Variants in FUT8 observed in about 807,000 individuals in gnomAD.
FUT8 encodes the protein alpha-(1,6)-fucosyltransferase.
In FUT8, 29 loss-of-function variants were observed where a neutral mutation model predicts 71.3. The ratio of observed to expected loss-of-function variants is 0.41; its 90% CI spans 0.30 to 0.55. FUT8 has a LOEUF of 0.55. FUT8 is among the 20% of genes least tolerant of loss of function. FUT8 has a pLI of 0.34. For synonymous variants in FUT8, 254 were observed against 239.3 expected (o/e 1.06, Z -0.57); for missense variants, 544 against 702.1 (o/e 0.77, Z 2.55).
chr14:65,440,699 C>G (rs1400255137), intron 1 of FUT8, among the ~76,000 whole-genome samples: 1 of 151,986 alleles, frequency 6.6e-6, no homozygotes, highest in East Asian at 1.9e-4. Context: ...AAAATGACTT[C>G]TTTGGCCACC....
chr14:65,659,195 T>G (rs1235308131), intron 6 of FUT8, among the ~76,000 whole-genome samples: 2 of 142,182 alleles, frequency 1.4e-5, no homozygotes, highest in Non-Finnish European at 3.0e-5. Context: ...TTTTGTTTTG[T>G]TTTTTTTTCA....
At chr14:65,468,012 A>G (rs1002085370) in intron 2 of FUT8, 2 of 686,920 alleles carry the variant, frequency 2.9e-6, no homozygotes, top group Non-Finnish European at 5.4e-6. Flanking sequence ...AATGTGCTCA[A>G]TACGCACATT....
intron 7 of FUT8, among the ~76,000 whole-genome samples, chr14:65,714,640 G>A (rs1894966724): frequency 1.3e-5 from 2 of 151,860 alleles, no homozygotes. Flanking sequence ...TATTTTCATA[G>A]GGATTGCATT....
In FUT8 at chr14:65,561,526, G is replaced by A. The variant is rs1027626465; in HGVS notation, c.-38G>A. The stretch of plus-strand genomic sequence containing the variant: ...AGTTACAATGTTTTCAATTCTTTGA[G>A]CTCCAGGACTCCAGGGAAGTGAGTT... On this transcript the variant is annotated 5_prime_UTR_variant, in exon 3 of 11. Transcript: ENST00000673929. The A allele has an allele frequency of 3.1e-6, 5 of 1,590,538 alleles. No individual in the cohort carries two copies. The South Asian group carries it at 3.3e-5, about 11-fold the overall frequency.
chr14:65,589,680 G>T (rs962838736), intron 3 of FUT8, among the ~76,000 whole-genome samples: 1 of 151,910 alleles, frequency 6.6e-6, no homozygotes, highest in African/African-American at 2.4e-5. Context: ...TCCTGACCTC[G>T]TGATCTGCCC....
the FUT8 span, among the ~76,000 whole-genome samples, chr14:65,365,353 C>CTG: frequency 7.1e-6 from 1 of 140,766 alleles, no homozygotes; most frequent in African/African-American, 2.5e-5. Context: ...CTCTCTCTCT[C>CTG]TCTCTCTCAT....
chr14:65,602,482 C>T (rs1242520741), intron 3 of FUT8, among the ~76,000 whole-genome samples: 2 of 150,038 alleles, frequency 1.3e-5, no homozygotes, highest in African/African-American at 2.4e-5. Context: ...TATAAACATG[C>T]ATGTGCAAGT....
At chr14:65,608,063 C>CA (rs35942953) in intron 3 of FUT8, among the ~76,000 whole-genome samples, 55,140 of 108,476 alleles carry the variant, frequency 0.51, 13,903 homozygotes, top group Non-Finnish European at 0.57. Context: ...GACTCCGTCT[C>CA]AAAAAAAAAA....
chr14:65,433,349 T>C (rs896118514), intron 1 of FUT8, among the ~76,000 whole-genome samples: 3 of 152,332 alleles, frequency 2.0e-5, no homozygotes, highest in South Asian at 4.1e-4. Flanking sequence ...ATGATTAGCT[T>C]AGCATCAAAA....
At chr14:65,552,807 T>G (rs1273150492) in intron 2 of FUT8, among the ~76,000 whole-genome samples, 1 of 152,242 alleles carries the variant, frequency 6.6e-6, no homozygotes, top group Non-Finnish European at 1.5e-5. Flanking sequence ...GCTATACCTT[T>G]TTATTTTATT....
chr14:65,557,875 G>A (rs1323892127), intron 2 of FUT8, among the ~76,000 whole-genome samples: 1 of 152,024 alleles, frequency 6.6e-6, no homozygotes, highest in Admixed American at 6.6e-5. Context: ...ATATTTTTAC[G>A]AATTTGAACT....
intron 2 of FUT8, 34 bp from the exon 3 acceptor site, chr14:65,561,303 A>G: frequency 2.4e-6 from 1 of 409,036 alleles, no homozygotes; most frequent in Non-Finnish European, 4.4e-6. Flanking sequence ...ATATACCTTA[A>G]ATAATTTAAA....
At chr14:65,504,774 A>G (rs1352259926) in intron 2 of FUT8, among the ~76,000 whole-genome samples, 2 of 151,960 alleles carry the variant, frequency 1.3e-5, no homozygotes, top group Non-Finnish European at 2.9e-5. Flanking sequence ...GGCTGGTCTC[A>G]AACTCCTGAC....
At chr14:65,602,212 G>A (rs1888324220) in intron 3 of FUT8, among the ~76,000 whole-genome samples, 1 of 149,752 alleles carries the variant, frequency 6.7e-6, no homozygotes, top group Non-Finnish European at 1.5e-5. Context: ...CCACTTATGA[G>A]TGAGAACATA....
rs577060719 is a variant in FUT8 at position 65,687,481 on chromosome 14, G to A, written c.835+18001G>A. 7.2e-5 allele frequency among the ~76,000 whole-genome samples: 11 copies of A among 152,106 alleles called. No homozygotes were observed. The East Asian group carries it at 1.9e-3, about 27-fold the overall frequency. ...AATTTCCTTTAAATAAAACTTTTAA[G>A]TTTAAAGCAATGAACACCTATTGCT... is the stretch of plus-strand genomic sequence containing the variant. On this transcript the variant is annotated intron_variant, in intron 7 of 10. Transcript: ENST00000673929.
At chr14:65,650,316 A>AC (rs1376505514) in intron 6 of FUT8, among the ~76,000 whole-genome samples, 4 of 149,568 alleles carry the variant, frequency 2.7e-5, no homozygotes, top group African/African-American at 7.3e-5. Flanking sequence ...AAAAAAAAAA[A>AC]AAAAAAAAAA....
chr14:65,476,414 G>A (rs971085481), intron 2 of FUT8, among the ~76,000 whole-genome samples: 1 of 152,138 alleles, frequency 6.6e-6, no homozygotes, highest in African/African-American at 2.4e-5. Flanking sequence ...TGAATTTGAT[G>A]TTCTGAAGTT....
chr14:65,455,405 AGT>A (rs1254316581), intron 1 of FUT8, among the ~76,000 whole-genome samples: 1 of 152,192 alleles, frequency 6.6e-6, no homozygotes, highest in Non-Finnish European at 1.5e-5. Flanking sequence ...TAAACCACTG[AGT>A]GTTACTGAGT....
At chr14:65,683,827 AT>A (rs894727643) in intron 7 of FUT8, among the ~76,000 whole-genome samples, 1 of 152,004 alleles carries the variant, frequency 6.6e-6, no homozygotes, top group Non-Finnish European at 1.5e-5. Context: ...TATTCATGAC[AT>A]TTTTTTAAAA....
Sources: allele counts gnomAD v4.1 joint callset (sites outside exome capture counted in the v4.1 genomes callset), GRCh38; gene constraint gnomAD v4.1.1; transcripts MANE v1.5; gene names NCBI Gene and HGNC (gene_info 2026-07-23, HGNC 2026-07-21).